MAP3K13: variants seen among roughly 807,000 people sequenced by gnomAD.
MAP3K13 encodes the protein leucine zipper-bearing kinase.
In MAP3K13, 52 loss-of-function variants were observed where a neutral mutation model predicts 104.0. That is an observed-to-expected ratio of 0.50 (90% CI 0.40 to 0.63). The LOEUF is 0.63. MAP3K13 is among the 20% of genes least tolerant of loss of function. The pLI is 0.00. For synonymous variants in MAP3K13, 394 were observed against 442.2 expected (o/e 0.89, Z 1.37); for missense variants, 914 against 1,218.5 (o/e 0.75, Z 3.72).
chr3:185,348,654 C>A (rs1013269982), intron 2 of MAP3K13, among the ~76,000 whole-genome samples: 4 of 152,198 alleles, frequency 2.6e-5, no homozygotes, highest in Non-Finnish European at 4.4e-5. Context: ...CATGGTGGCT[C>A]ACGCTTGTAA....
At chr3:185,371,622 T>A (rs1438775730) in intron 1 of MAP3K13, among the ~76,000 whole-genome samples, 1 of 152,118 alleles carries the variant, frequency 6.6e-6, no homozygotes, top group Non-Finnish European at 1.5e-5. Context: ...AATGAATTGA[T>A]TCAAGGTTAA....
intron 7 of MAP3K13, among the ~76,000 whole-genome samples, chr3:185,455,171 G>GATATATATATTATATATGAGAT (rs202038007): frequency 3.6e-5 from 1 of 28,102 alleles, no homozygotes; most frequent in Non-Finnish European, 7.5e-5. Context: ...ATATATATGA[G>GATATATATATTATATATGAGAT]ATATATATGA....
intron 12 of MAP3K13, among the ~76,000 whole-genome samples, chr3:185,477,957 A>G (rs924586965): frequency 6.6e-6 from 1 of 151,794 alleles, no homozygotes; most frequent in African/African-American, 2.4e-5. Context: ...TTAGGGGTCC[A>G]CTCTTATGAA....
upstream of MAP3K13, chr3:185,363,115 C>T (rs943536461): frequency 2.0e-6 from 2 of 984,676 alleles, no homozygotes; most frequent in Non-Finnish European, 2.4e-6. Context: ...CTACTCTGGA[C>T]CCGCCCCTCT....
At chr3:185,419,843 G>A (rs35509252) in intron 1 of MAP3K13, among the ~76,000 whole-genome samples, 24,774 of 151,830 alleles carry the variant, frequency 0.16, 2,153 homozygotes, top group African/African-American at 0.23. Flanking sequence ...TTGACTTAAG[G>A]CATTTTTGAA....
chr3:185,402,607 C>T lies in MAP3K13; in HGVS notation c.-85-25890C>T, dbSNP rs537104306. Among the ~76,000 whole-genome samples the T allele has an allele frequency of 1.2e-4, 18 of 152,272 alleles. No individual in the cohort carries two copies. The East Asian group carries it at 1.9e-3, about 16-fold the overall frequency. Reference sequence around the variant, plus strand: ...ATTCTTAAGATCTCTAACATCTCCACGGTGTGAACCATGGACAGCATTTAT... The same window carrying T: ...ATTCTTAAGATCTCTAACATCTCCATGGTGTGAACCATGGACAGCATTTAT... On this transcript the variant is annotated intron_variant, in intron 1 of 13. Transcript: ENST00000265026.
At position 185,441,003 on chromosome 3, in the gene MAP3K13, T is replaced by C. The variant is rs140679689; in HGVS notation, c.660-2442T>C. ...GGTGTTAACACAAGAATTCCCAATG[T>C]GCTTGTCTAAACAGAAGTTAAAAAG... is the stretch of plus-strand genomic sequence containing the variant. On this transcript the variant is annotated intron_variant, in intron 3 of 13. Transcript: ENST00000265026. Among the ~76,000 whole-genome samples, 676 of 152,356 alleles carry C rather than the reference T, an allele frequency of 4.4e-3. 5 individuals are homozygous for C. Among genetic ancestry groups the C allele is most frequent in the African/African-American group, 0.015 (642 of 41,580 alleles).
rs1343282957 is a variant in MAP3K13, at chr3:185,423,550, G to A, written c.-85-4947G>A. Among the ~76,000 whole-genome samples, 2 of 152,174 alleles carry A rather than the reference G, an allele frequency of 1.3e-5. No individual in the cohort carries two copies. Among genetic ancestry groups the A allele is most frequent in the African/African-American group, 2.4e-5 (1 of 41,438 alleles). On this transcript the variant is annotated intron_variant, in intron 1 of 13. Transcript: ENST00000265026. The surrounding 1 kb of genome is among the most constrained non-coding windows in gnomAD (Gnocchi z 4.1). The stretch of plus-strand genomic sequence containing the variant: ...CGAAAAGAACAGGGGAGGGGAGGCT[G>A]GAGTGGGTGGAATGGTGTCTGTAAC...
At position 185,455,153 on chromosome 3, in the gene MAP3K13, TATATATGATATATATGAG is replaced by T. The variant is rs1268700258; in HGVS notation, c.1278+3765_1278+3782del. On this transcript the variant is annotated intron_variant, in intron 7 of 13. Transcript: ENST00000265026. ...ATATATATATGATATATATGTGAGA[TATATATGATATATATGAG>T]ATATATATGATATATATGAGATATA... is the stretch of plus-strand genomic sequence containing the variant. 7.4e-4 allele frequency among the ~76,000 whole-genome samples: 38 copies of T among 51,108 alleles called. 2 individuals carry two copies. Among genetic ancestry groups the T allele is most frequent in the African/African-American group, 1.9e-3 (34 of 17,678 alleles). The allele number at this position is 51,108 out of a possible 152,430, so 33.5% of individuals were successfully genotyped here.
chr3:185,298,606 ATC>A (rs1181949112), intron 2 of MAP3K13, among the ~76,000 whole-genome samples: 5 of 152,338 alleles, frequency 3.3e-5, no homozygotes, highest in African/African-American at 4.8e-5. Context: ...GAAGTCAAGT[ATC>A]TCCTCATTTT....
chr3:185,335,339 G>A (rs1342242595), intron 2 of MAP3K13, among the ~76,000 whole-genome samples: 1 of 152,038 alleles, frequency 6.6e-6, no homozygotes, highest in African/African-American at 2.4e-5. Context: ...ACAAAATAAT[G>A]TAATTGGATC....
chr3:185,430,476 A>G (rs1263158930), intron 2 of MAP3K13, among the ~76,000 whole-genome samples: 1 of 151,892 alleles, frequency 6.6e-6, no homozygotes, highest in African/African-American at 2.4e-5. Context: ...CGTAGGCCCC[A>G]GTGTCTGTCA....
intron 1 of MAP3K13, among the ~76,000 whole-genome samples, chr3:185,414,608 G>A (rs1221602634): frequency 1.3e-5 from 2 of 152,162 alleles, no homozygotes; most frequent in South Asian, 2.1e-4. Flanking sequence ...GTATATCTAG[G>A]ACTTGCCCAG....
chr3:185,358,874 T>A (rs1723485612), upstream of MAP3K13, among the ~76,000 whole-genome samples: 1 of 152,202 alleles, frequency 6.6e-6, no homozygotes, highest in South Asian at 2.1e-4. Context: ...AAACAATGAA[T>A]AGAGCTCTTG....
At chr3:185,291,079 A>T (rs1383149767) in intron 2 of MAP3K13, among the ~76,000 whole-genome samples, 1 of 152,182 alleles carries the variant, frequency 6.6e-6, no homozygotes, top group African/African-American at 2.4e-5. Context: ...TTGCAAAGGG[A>T]TCTGAATTTT....
At chr3:185,384,539 C>T (rs1441981115) in intron 1 of MAP3K13, among the ~76,000 whole-genome samples, 1 of 152,100 alleles carries the variant, frequency 6.6e-6, no homozygotes, top group East Asian at 1.9e-4. Context: ...GAGAAACCTC[C>T]ATATTGTTTT....
intron 2 of MAP3K13, chr3:185,329,269 C>T: frequency 2.8e-6 from 2 of 702,746 alleles, no homozygotes; most frequent in Non-Finnish European, 5.2e-6. Flanking sequence ...TACCTAGTGC[C>T]GAGAGATTGT....
At chr3:185,386,602 T>C (rs967816370) in intron 1 of MAP3K13, among the ~76,000 whole-genome samples, 3 of 152,206 alleles carry the variant, frequency 2.0e-5, no homozygotes, top group African/African-American at 7.2e-5. Context: ...CATGCACGCG[T>C]ATGTTCATTG....
chr3:185,455,277 G>GAT (rs531448357), intron 7 of MAP3K13, among the ~76,000 whole-genome samples: 1,604 of 34,622 alleles, frequency 0.046, 298 homozygotes, highest in Middle Eastern at 0.067. Flanking sequence ...ATATATATGA[G>GAT]ATATATGAGA....
Sources: gnomAD v4.1 joint callset for allele counts (sites outside exome capture counted in the v4.1 genomes callset) on GRCh38, gnomAD v4.1.1 for gene constraint, Gnocchi (gnomAD v3.1) non-coding constraint, MANE v1.5 for transcripts, NCBI Gene and HGNC (gene_info 2026-07-23, HGNC 2026-07-21) for gene names.